KCNQ2: variants seen among roughly 807,000 people sequenced by gnomAD.
The protein encoded by KCNQ2 is potassium voltage-gated channel subfamily Q member 2.
A neutral mutation model predicts 84.8 loss-of-function variants in KCNQ2; 14 were observed. The observed-to-expected ratio is 0.17, with a 90% CI of 0.11 to 0.26. The LOEUF is 0.26. KCNQ2 is among the 10% of genes least tolerant of loss of function. KCNQ2 has a pLI of 1.00. For synonymous variants in KCNQ2, 599 were observed against 554.1 expected, an observed-to-expected ratio of 1.08 and a Z score of -1.14; for missense variants, 788 against 1,254.0, an observed-to-expected ratio of 0.63 and a Z score of 5.61.
At chr20:63,472,063 G>C in intron 1 of KCNQ2, 105 bp downstream of exon 1, 2 of 785,312 alleles carry the variant, frequency 2.5e-6, no homozygotes, top group Non-Finnish European at 3.8e-6. Context: ...CAGACCCAGG[G>C]GCAGGGAGCC....
At chr20:63,419,557 A>G in intron 12 of KCNQ2, 62 bp downstream of exon 12, 1 of 1,514,734 alleles carries the variant, frequency 6.6e-7, no homozygotes, top group Non-Finnish European at 9.0e-7. Flanking sequence ...ACCTCTAGTA[A>G]GCAGGGAGGG....
chr20:63,406,905 C>T lies in KCNQ2; in HGVS notation c.2358G>A (p.Thr786=), dbSNP rs559610397. The part of the protein sequence containing the change: ...PPEGNLRDSD[T]SISIPSVDHE... ...GGTCCACGGACGGGATGGAGATGGA[C>T]GTGTCGCTGTCCCGCAGGTTCCCCT... Residue 786 remains threonine, a synonymous_variant, in exon 17 of 17, where the codon ACG becomes ACA. Transcript: ENST00000359125. 26 of 1,610,780 alleles carry T rather than the reference C, an allele frequency of 1.6e-5. No individual in the cohort carries two copies. The highest frequency in any genetic ancestry group is 1.1e-4 in the South Asian group (10 of 90,782).
At chr20:63,435,589 C>A (rs1004513827) in intron 7 of KCNQ2, among the ~76,000 whole-genome samples, 6 of 152,202 alleles carry the variant, frequency 3.9e-5, no homozygotes, top group African/African-American at 1.4e-4. Flanking sequence ...CAACCGAGGC[C>A]AGAGAGTACA....
chr20:63,414,014 C>G lies in KCNQ2; in HGVS notation c.1631+74G>C. The stretch of plus-strand genomic sequence containing the variant: ...CGGCTCTGTCCAGCACCATGAGCAC[C>G]GGCAGCAGGCAGGACCACCGAGCGG... On this transcript the variant is annotated intron_variant, in intron 14 of 16. Coordinates refer to ENST00000359125, the MANE Select transcript of KCNQ2 (RefSeq NM_172107.4). This position sits in a 1 kb window ranked among gnomAD's most constrained non-coding sequence, Gnocchi z 6.6. 8.9e-7 allele frequency: 1 copy of G among 1,123,256 alleles called. No homozygotes were observed. Among genetic ancestry groups the G allele is most frequent in the Non-Finnish European group, 1.4e-6 (1 of 736,378 alleles). 69.6% of individuals were successfully genotyped at this position (1,123,256 alleles called of 1,614,324 possible).
intron 4 of KCNQ2, among the ~76,000 whole-genome samples, chr20:63,443,161 A>C: frequency 1.1e-5 from 1 of 92,714 alleles, no homozygotes; most frequent in African/African-American, 4.3e-5. Context: ...CACCGGCGCC[A>C]CCACCATCAC....
Position 63,443,084 on chromosome 20 carries a change from CCAT to C in KCNQ2, c.691-556_691-554del, listed in dbSNP as rs1205660704. ...ACCATCACCATTATCACCACCACCACCATTATCACCACCATCACCATCACCACC... is the reference window on the plus strand; with the variant it reads ...ACCATCACCATTATCACCACCACCACTATCACCACCATCACCATCACCACC... On this transcript the variant is annotated intron_variant, in intron 4 of 16. Transcript: ENST00000359125. Among the ~76,000 whole-genome samples the C allele has an allele frequency of 7.5e-3, 352 of 46,638 alleles. 4 individuals carry two copies. Among genetic ancestry groups the C allele is most frequent in the African/African-American group, 0.028 (318 of 11,486 alleles). The allele number at this position is 46,638 out of a possible 152,430, so 30.6% of individuals were successfully genotyped here.
rs2080561630 is a variant in KCNQ2 at position 63,424,223 on chromosome 20, CAG to C, written c.1218-19_1218-18del. ...GGGTCCTTCCTTCAAACAGAAGCAACAGAGAGTTAGTGGCCGCCCACTCAGCA... is the reference window on the plus strand; with the variant it reads ...GGGTCCTTCCTTCAAACAGAAGCAACAGAGTTAGTGGCCGCCCACTCAGCA... On this transcript the variant is annotated intron_variant, in intron 10 of 16. Coordinates refer to ENST00000359125, the MANE Select transcript of KCNQ2 (RefSeq NM_172107.4). 3.9e-6 allele frequency: 6 copies of C among 1,553,566 alleles called. No individual in the cohort carries two copies. Among genetic ancestry groups the C allele is most frequent in the East Asian group, 4.8e-5 (2 of 41,514 alleles).
rs1176705443 is a variant in KCNQ2, at chr20:63,425,148, C to T, written c.1218-942G>A. On this transcript the variant is annotated intron_variant, in intron 10 of 16. Transcript: ENST00000359125. This position sits in a 1 kb window ranked among gnomAD's most constrained non-coding sequence, Gnocchi z 5.5. ...CTACCTCTGTAAGGACAGCTGTCAC[C>T]GGGCTAGGGCTCAAGCTGTCACCAG... Among the ~76,000 whole-genome samples the T allele has an allele frequency of 6.6e-6, 1 of 152,140 alleles. No individual in the cohort carries two copies.
rs146492238 is a variant in KCNQ2, at chr20:63,415,080, C to T, written c.1348G>A (p.Val450Met). The T allele has an allele frequency of 1.1e-3, 1,759 of 1,605,360 alleles. 11 individuals carry two copies. Among genetic ancestry groups the T allele is most frequent in the Non-Finnish European group, 6.6e-4 (778 of 1,179,902 alleles). The change falls in exon 13 of 17, where the codon GTG becomes ATG. Residue 450 changes from valine to methionine, a missense_variant. Val to Met is a conservative substitution (Grantham distance 21). Coordinates refer to ENST00000359125, the MANE Select transcript of KCNQ2 (RefSeq NM_172107.4). ...KDRVFSSPRG[V>M]AAKGKGSPQA... ...GGGGACCCCTTCCCCTTGGCAGCCACGCCTCGGGGGCTGGAGAAGACACGA... is the reference window on the plus strand; with the variant it reads ...GGGGACCCCTTCCCCTTGGCAGCCATGCCTCGGGGGCTGGAGAAGACACGA...
chr20:63,429,465 C>CT (rs1482967581), intron 9 of KCNQ2, among the ~76,000 whole-genome samples: 2 of 152,154 alleles, frequency 1.3e-5, no homozygotes, highest in Non-Finnish European at 2.9e-5. Context: ...CCTCACCCAG[C>CT]TGACTCCCTA....
Position 63,406,716 on chromosome 20 carries a change from G to A in KCNQ2, c.2547C>T (p.Cys849=), listed in dbSNP as rs746730588. ...CGGTGGCCGAGCGTGGCGGGGGCCC[G>A]CACGGGGTACAGAGGTCGGAGTCGG... ...SDTDSDLCTP[C]GPPPRSATGE... is the part of the protein sequence containing the mutation. The change falls in exon 17 of 17, where the codon TGC becomes TGT. Residue 849 remains cysteine (C), a synonymous_variant. Coordinates refer to ENST00000359125, the MANE Select transcript of KCNQ2 (RefSeq NM_172107.4). 1.7e-5 allele frequency: 27 copies of A among 1,603,722 alleles called. 1 individual carries two copies. The South Asian group carries it at 1.8e-4, about 11-fold the overall frequency.
intron 1 of KCNQ2, among the ~76,000 whole-genome samples, chr20:63,450,521 A>G (rs1232093302): frequency 2.0e-3 from 1 of 512 alleles, no homozygotes; most frequent in Non-Finnish European, 3.8e-3. Context: ...GCAGAGCCCC[A>G]GAAGACCTGC....
Position 63,424,168 on chromosome 20 carries a change from G to A in KCNQ2, c.1247+9C>T, listed in dbSNP as rs1057523283. Reference sequence around the variant, plus strand: ...GGCAGACACCAGGGTAGCAGCAGGGGGCACTGACCTTGGAGACGGCTCCGG... The same window carrying A: ...GGCAGACACCAGGGTAGCAGCAGGGAGCACTGACCTTGGAGACGGCTCCGG... On this transcript the variant is annotated intron_variant, in intron 11 of 16. Coordinates refer to ENST00000359125, the MANE Select transcript of KCNQ2 (RefSeq NM_172107.4). 6.4e-7 allele frequency: 1 copy of A among 1,555,960 alleles called. No homozygotes were observed. Among genetic ancestry groups the A allele is most frequent in the Non-Finnish European group, 8.7e-7 (1 of 1,149,026 alleles).
intron 14 of KCNQ2, among the ~76,000 whole-genome samples, chr20:63,413,783 G>GC (rs1462837522): frequency 6.6e-6 from 1 of 152,176 alleles, no homozygotes; most frequent in Admixed American, 6.5e-5. Context: ...TGCAGGCCTG[G>GC]CCATGCCCCC....
chr20:63,412,728 A>G (rs1206192664), intron 15 of KCNQ2, among the ~76,000 whole-genome samples: 1 of 152,232 alleles, frequency 6.6e-6, no homozygotes, highest in Non-Finnish European at 1.5e-5. Flanking sequence ...AGGGCTGAGA[A>G]ACTGGTACAG....
At chr20:63,431,160 C>T (rs1412173636) in intron 9 of KCNQ2, among the ~76,000 whole-genome samples, 180 bp downstream of exon 9, 1 of 151,894 alleles carries the variant, frequency 6.6e-6, no homozygotes, top group African/African-American at 2.4e-5. Context: ...CCAGGGTGAT[C>T]TGGCCGCCCA....
At chr20:63,436,014 T>C (rs2080989982) in intron 7 of KCNQ2, among the ~76,000 whole-genome samples, 1 of 150,740 alleles carries the variant, frequency 6.6e-6, no homozygotes, top group African/African-American at 2.4e-5. Flanking sequence ...CGACAGAATC[T>C]ACTCCAGGCA....
intron 3 of KCNQ2, 65 bp from the exon 4 acceptor site, chr20:63,444,899 C>T: frequency 6.8e-7 from 1 of 1,478,364 alleles, no homozygotes; most frequent in Non-Finnish European, 9.1e-7. Context: ...GGAGAAAACT[C>T]CCCACCCCGC....
chr20:63,452,889 G>A lies in KCNQ2; in HGVS notation c.297-6052C>T, dbSNP rs532049133. The stretch of plus-strand genomic sequence containing the variant: ...AGAATGCCTCAGCCCGGGACGACGC[G>A]CCAGCCGGAGCTCCAGCTGCAGGGG... On this transcript the variant is annotated intron_variant, in intron 1 of 16. Transcript: ENST00000359125. Among the ~76,000 whole-genome samples the A allele has an allele frequency of 5.9e-3, 902 of 152,006 alleles. 2 individuals are homozygous for A. Among genetic ancestry groups the A allele is most frequent in the Non-Finnish European group, 8.8e-3 (601 of 67,982 alleles).
Sources: gnomAD v4.1 joint callset for allele counts (sites outside exome capture counted in the v4.1 genomes callset) on GRCh38, gnomAD v4.1.1 for gene constraint, Gnocchi (gnomAD v3.1) non-coding constraint, MANE v1.5 for transcripts, NCBI Gene and HGNC (gene_info 2026-07-23, HGNC 2026-07-21) for gene names.